Variants in RNF103 observed in about 807,000 individuals in gnomAD.
RNF103 encodes ring finger protein 103, also known as E3 ubiquitin-protein ligase RNF103.
In RNF103, 23 loss-of-function variants were observed where a neutral mutation model predicts 66.2. The ratio of observed to expected loss-of-function variants is 0.35; its 90% confidence interval spans 0.25 to 0.49. RNF103 has a LOEUF of 0.49. Among genes scored for constraint, RNF103 ranks in the 20% least tolerant of loss-of-function variants. RNF103 has a pLI of 0.98. For synonymous variants in RNF103, 297 were observed against 289.9 expected, an observed-to-expected ratio of 1.02 and a Z score of -0.25; for missense variants, 730 against 814.7, an observed-to-expected ratio of 0.90 and a Z score of 1.27.
intron 3 of RNF103, among the ~76,000 whole-genome samples, chr2:86,609,184 A>G (rs1292627064): frequency 6.6e-6 from 1 of 152,104 alleles, no homozygotes; most frequent in East Asian, 1.9e-4. Flanking sequence ...GAAATGGAGT[A>G]GTTTCCTCGA....
chr2:86,620,557 A>T, intron 1 of RNF103, 88 bp from the exon 2 acceptor site: 1 of 1,370,504 alleles, frequency 7.3e-7, no homozygotes. Flanking sequence ...ACTGTTAAGA[A>T]TCATGATATT....
At position 86,603,656 on chromosome 2, in the gene RNF103, A is replaced by G; in HGVS notation, c.*187T>C. 2.7e-6 allele frequency: 2 copies of G among 732,478 alleles called. No homozygotes were observed. The highest frequency in any genetic ancestry group is 5.5e-5 in the South Asian group (2 of 36,056). The allele number at this position is 732,478 out of a possible 1,614,324, so 45.4% of individuals were successfully genotyped here. ...ATGTTGTAAATAAAAAAATTTTACAATTAGGTATGCATTCAATTAACACAC... is the reference window on the plus strand; with the variant it reads ...ATGTTGTAAATAAAAAAATTTTACAGTTAGGTATGCATTCAATTAACACAC... On this transcript the variant is annotated 3_prime_UTR_variant, in exon 4 of 4. Transcript: ENST00000237455.
At position 86,622,894 on chromosome 2, in the gene RNF103, G is replaced by C. The variant is rs1332659195; in HGVS notation, c.-8C>G. Reference sequence around the variant, plus strand: ...AAAAAGCTTCAGCCACATCTTCCCTGGAGTTTCCTCTCTTTCCAGAGAGCT... The same window carrying C: ...AAAAAGCTTCAGCCACATCTTCCCTCGAGTTTCCTCTCTTTCCAGAGAGCT... On this transcript the variant is annotated 5_prime_UTR_variant, in exon 1 of 4. Coordinates refer to ENST00000237455, the MANE Select transcript of RNF103 (RefSeq NM_005667.4). 5.0e-6 allele frequency: 8 copies of C among 1,587,572 alleles called. No individual in the cohort carries two copies. The highest frequency in any genetic ancestry group is 6.9e-6 in the Non-Finnish European group (8 of 1,166,600).
In RNF103 at chr2:86,620,374, A is replaced by G. The variant is rs761774528; in HGVS notation, c.322T>C (p.Tyr108His). 1.2e-6 allele frequency: 2 copies of G among 1,609,050 alleles called. No individual in the cohort carries two copies. Among genetic ancestry groups the G allele is most frequent in the Non-Finnish European group, 1.7e-6 (2 of 1,176,284 alleles). The change falls in exon 2 of 4, where the codon TAT (tyrosine) becomes CAT (histidine). Residue 108 changes from tyrosine to histidine, a missense_variant. This residue lies in a region of RNF103 where 327 missense variants were observed against 369.8 expected (regional missense o/e 0.88). Coordinates refer to ENST00000237455, the MANE Select transcript of RNF103 (RefSeq NM_005667.4). Reference protein sequence around the residue: ...STNFSGEMHFYELVEDTKDGI... With the variant: ...STNFSGEMHFHELVEDTKDGI... Reference sequence around the variant, plus strand: ...TCTTTTGTGTCTTCCACAAGCTCATAGAAGTGCATTTCACCACTGAAATTG... The same window carrying G: ...TCTTTTGTGTCTTCCACAAGCTCATGGAAGTGCATTTCACCACTGAAATTG...
rs764385473 is a variant in RNF103, at chr2:86,622,678, T to C, written c.209A>G (p.Glu70Gly). 3.7e-6 allele frequency: 6 copies of C among 1,613,904 alleles called. No individual in the cohort carries two copies. Among genetic ancestry groups the C allele is most frequent in the South Asian group, 3.3e-5 (3 of 91,082 alleles). The change falls in exon 1 of 4, where the codon GAG (glutamate) becomes GGG (glycine). Residue 70 changes from glutamate to glycine, a missense_variant. By Grantham distance (98) the Glu-to-Gly change is moderately conservative. This residue lies in a region of RNF103 where 327 missense variants were observed against 369.8 expected (regional missense o/e 0.88). Transcript: ENST00000237455. ...SGLPEKKDVR[E>G]LVEKSGDLME... ...ATACTCGCCTGACTTTTCCACCAGC[T>C]CCCGGACATCCTTCTTCTCGGGCAA...
At chr2:86,607,463 C>T (rs947476731) in intron 3 of RNF103, among the ~76,000 whole-genome samples, 1 of 152,176 alleles carries the variant, frequency 6.6e-6, no homozygotes, top group Non-Finnish European at 1.5e-5. Flanking sequence ...GGAAAACTGT[C>T]TAGGTGACTC....
At chr2:86,605,515 T>A (rs1192261665) in intron 3 of RNF103, 97 bp from the exon 4 acceptor site, 23 of 1,293,912 alleles carry the variant, frequency 1.8e-5, no homozygotes, top group Non-Finnish European at 2.0e-5. Flanking sequence ...CAAAGCCAAA[T>A]AATTTCCAAA....
Position 86,603,796 on chromosome 2 carries a change from G to T in RNF103, c.*47C>A, listed in dbSNP as rs143128520. On this transcript the variant is annotated 3_prime_UTR_variant, in exon 4 of 4. Coordinates refer to ENST00000237455, the MANE Select transcript of RNF103 (RefSeq NM_005667.4). Reference sequence around the variant, plus strand: ...AAACATTGTGACTAACATTAAAAAGGCAAGCTGTAAGATACTCAAAGCTTA... The same window carrying T: ...AAACATTGTGACTAACATTAAAAAGTCAAGCTGTAAGATACTCAAAGCTTA... The T allele has an allele frequency of 1.9e-6, 3 of 1,541,376 alleles. No homozygotes were observed. Among genetic ancestry groups the T allele is most frequent in the East Asian group, 2.3e-5 (1 of 44,320 alleles).
At chr2:86,606,208 T>C (rs1409384550) in intron 3 of RNF103, among the ~76,000 whole-genome samples, 3 of 152,242 alleles carry the variant, frequency 2.0e-5, no homozygotes, top group Non-Finnish European at 4.4e-5. Context: ...CAGCAGATTA[T>C]ATTCAGAAGA....
intron 3 of RNF103, 145 bp downstream of exon 3, chr2:86,612,014 A>C (rs1678814890): frequency 2.0e-6 from 1 of 497,174 alleles, no homozygotes; most frequent in African/African-American, 2.0e-5. Context: ...ATCAAAAACC[A>C]TTAATCAAGC....
At chr2:86,611,594 CTTAT>C (rs1312170103) in intron 3 of RNF103, among the ~76,000 whole-genome samples, 3 of 151,884 alleles carry the variant, frequency 2.0e-5, no homozygotes, top group South Asian at 2.1e-4. Flanking sequence ...TCTGAGGATT[CTTAT>C]TTGAGAAAAT....
In RNF103 at chr2:86,604,341, A is replaced by C. The variant is rs1340098734; in HGVS notation, c.1560T>G (p.Leu520=). The change falls in exon 4 of 4, where the codon CTT becomes CTG. Residue 520 remains leucine, a synonymous_variant. Coordinates refer to ENST00000237455, the MANE Select transcript of RNF103 (RefSeq NM_005667.4). ...KNLPMWRFKC[L]GVQSEEEMSE... ...ACATTTCCTCTTCAGACTGGACTCC[A>C]AGACATTTAAATCGCCACATTGGTA... 1.2e-6 allele frequency: 2 copies of C among 1,614,136 alleles called. No homozygotes were observed. Among genetic ancestry groups the C allele is most frequent in the Admixed American group, 3.3e-5 (2 of 60,004 alleles).
Position 86,622,859 on chromosome 2 carries a change from G to A in RNF103, c.28C>T (p.Leu10Phe), listed in dbSNP as rs1192962506. MWLKLFFLLLYFLVLFVLAR... is the reference protein window; with the variant it reads MWLKLFFLLFYFLVLFVLAR... ...AGGACGAACAGGACCAGGAAATAGA[G>A]GAGCAAGAAAAAAAGCTTCAGCCAC... The change falls in exon 1 of 4, where the codon CTC (leucine) becomes TTC (phenylalanine). Residue 10 changes from leucine to phenylalanine, a missense_variant. By Grantham distance (22) the Leu-to-Phe change is conservative. Transcript: ENST00000237455. 6.2e-7 allele frequency: 1 copy of A among 1,612,264 alleles called. No homozygotes were observed. The highest frequency in any genetic ancestry group is 8.5e-7 in the Non-Finnish European group (1 of 1,179,166).
At chr2:86,606,611 C>T (rs1305770439) in intron 3 of RNF103, among the ~76,000 whole-genome samples, 1 of 140,744 alleles carries the variant, frequency 7.1e-6, no homozygotes, top group Non-Finnish European at 1.5e-5. Context: ...TGCAGTGAGC[C>T]GAGATCACGC....
At chr2:86,617,956 C>T (rs1679088045) in intron 2 of RNF103, 2 of 590,954 alleles carry the variant, frequency 3.4e-6, no homozygotes, top group Non-Finnish European at 5.7e-6. Context: ...AGATGTAAGC[C>T]ACTGGCCTCA....
intron 3 of RNF103, among the ~76,000 whole-genome samples, chr2:86,606,522 G>A (rs1678558981): frequency 2.0e-5 from 3 of 151,878 alleles, no homozygotes; most frequent in Admixed American, 1.3e-4. Context: ...AATTAGCTGG[G>A]CATGGCAACG....
rs751538770 is a variant in RNF103 at position 86,603,891 on chromosome 2, C to CT, written c.2009dup (p.Gln671AlafsTer12). 365 of 1,613,308 alleles carry CT rather than the reference C, an allele frequency of 2.3e-4. No individual in the cohort carries two copies. The highest frequency in any genetic ancestry group is 3.0e-4 in the Admixed American group (18 of 59,966). On this transcript the variant is annotated frameshift_variant, in exon 4 of 4. Transcript: ENST00000237455. LOFTEE classifies it high-confidence loss of function. ...AGGGCTGGTGTTGTGCATATGGCTG[C>CT]TTTTTTTTATAAGAAGGCCACCGGC...
chr2:86,606,662 C>CAAAAAAAAAAAAAAAA (rs200897796), intron 3 of RNF103, among the ~76,000 whole-genome samples: 1 of 97,416 alleles, frequency 1.0e-5, no homozygotes, highest in African/African-American at 4.8e-5. Flanking sequence ...AACTTCGTCT[C>CAAAAAAAAAAAAAAAA]AAAAAAAAAA....
chr2:86,605,602 GTTTCT>G (rs758605301), intron 3 of RNF103, among the ~76,000 whole-genome samples, 184 bp from the exon 4 acceptor site: 1 of 151,570 alleles, frequency 6.6e-6, no homozygotes, highest in Non-Finnish European at 1.5e-5. Context: ...GTATTTCTGT[GTTTCT>G]TTTTTTTTTA....
Sources: gnomAD v4.1 joint callset for allele counts (sites outside exome capture counted in the v4.1 genomes callset) on GRCh38, gnomAD v4.1.1 for gene constraint, gnomAD v4.1.1 regional missense constraint, MANE v1.5 for transcripts, NCBI Gene and HGNC (gene_info 2026-07-23, HGNC 2026-07-21) for gene names.